The following SESN3 variants were observed in gnomAD, a reference collection of about 807,000 sequenced individuals.
SESN3 encodes sestrin-3.
In SESN3, 21 loss-of-function variants were observed where a neutral mutation model predicts 55.3. The observed-to-expected ratio is 0.38, with a 90% CI of 0.27 to 0.55. The LOEUF is 0.55. Ranked by LOEUF, SESN3 falls within the 20% of genes least tolerant of loss-of-function variation. The pLI is 0.76. For missense variants in SESN3, 408 were observed against 604.3 expected, an observed-to-expected ratio of 0.68 and a Z score of 3.41; for synonymous variants, 181 against 203.1, an observed-to-expected ratio of 0.89 and a Z score of 0.93.
At chr11:95,188,345 T>A (rs1257467701) in intron 4 of SESN3, among the ~76,000 whole-genome samples, 1 of 151,744 alleles carries the variant, frequency 6.6e-6, no homozygotes, top group Non-Finnish European at 1.5e-5. Flanking sequence ...ATACAAAAAT[T>A]TAGAAGAATG....
At position 95,171,443 on chromosome 11, in the gene SESN3, T is replaced by C. The variant is rs1859847745; in HGVS notation, c.*1812A>G. On this transcript the variant is annotated 3_prime_UTR_variant, in exon 10 of 10. Coordinates refer to ENST00000536441, the MANE Select transcript of SESN3 (RefSeq NM_144665.4). ...AATCCAAAAATGCAGAACTACCTTA[T>C]GTTAATAAGTATACAGTCATATTTG... is the stretch of plus-strand genomic sequence containing the variant. 1 of 152,178 alleles carries C rather than the reference T, an allele frequency of 6.6e-6. No homozygotes were observed. 9.4% of individuals were successfully genotyped at this position (152,178 alleles called of 1,614,324 possible).
chr11:95,194,162 T>A (rs1385972004), intron 1 of SESN3, among the ~76,000 whole-genome samples: 1 of 152,056 alleles, frequency 6.6e-6, no homozygotes, highest in Non-Finnish European at 1.5e-5. Context: ...TTTTAAAAAT[T>A]TGTTAACTTT....
At chr11:95,174,193 C>T (rs1859909798) in intron 9 of SESN3, among the ~76,000 whole-genome samples, 1 of 152,164 alleles carries the variant, frequency 6.6e-6, no homozygotes, top group Non-Finnish European at 1.5e-5. Context: ...ACATTCTCTG[C>T]TAAGATCATA....
chr11:95,193,583 T>C (rs1296307779), intron 1 of SESN3, 61 bp from the exon 2 acceptor site: 8 of 901,266 alleles, frequency 8.9e-6, no homozygotes, highest in Non-Finnish European at 1.5e-5. Context: ...GTTAAATTTG[T>C]ACACATTTAT....
Position 95,173,089 on chromosome 11 carries a change from A to G in SESN3, c.*166T>C, listed in dbSNP as rs976931788. 1.1e-5 allele frequency: 5 copies of G among 471,840 alleles called. No homozygotes were observed. Among genetic ancestry groups the G allele is most frequent in the African/African-American group, 3.8e-5 (2 of 52,350 alleles). 29.2% of individuals were successfully genotyped at this position (471,840 alleles called of 1,614,324 possible). ...TGTTAAGCATCAAGGAAAATAAAAC[A>G]CATCATTGCACATTACAGCCGCAAA... On this transcript the variant is annotated 3_prime_UTR_variant, in exon 10 of 10. Transcript: ENST00000536441.
chr11:95,227,783 C>T (rs1456155318), intron 1 of SESN3, among the ~76,000 whole-genome samples: 1 of 152,112 alleles, frequency 6.6e-6, no homozygotes, highest in Non-Finnish European at 1.5e-5. Flanking sequence ...ACCTACCTTC[C>T]TCAATGCAGT....
intron 3 of SESN3, 47 bp from the exon 4 acceptor site, chr11:95,190,008 GTTTC>G: frequency 7.1e-7 from 1 of 1,404,830 alleles, no homozygotes. Flanking sequence ...TCACAGTAGA[GTTTC>G]TTTCCACTAT....
chr11:95,195,442 A>C (rs1006023145), intron 1 of SESN3, among the ~76,000 whole-genome samples: 1 of 152,190 alleles, frequency 6.6e-6, no homozygotes, highest in Non-Finnish European at 1.5e-5. Context: ...TTCTTCATTT[A>C]TTTAGCAAAC....
intron 9 of SESN3, 43 bp from the exon 10 acceptor site, chr11:95,173,384 C>T (rs1240924103): frequency 7.8e-7 from 1 of 1,274,684 alleles, no homozygotes; most frequent in African/African-American, 1.5e-5. Flanking sequence ...ATTATAAACA[C>T]CTGGAAAATC....
chr11:95,193,458 TC>T lies in SESN3; in HGVS notation c.142del (p.Glu48LysfsTer32). 6.5e-7 allele frequency: 1 copy of T among 1,536,516 alleles called. No individual in the cohort carries two copies. On this transcript the variant is annotated frameshift_variant and splice_region_variant, in exon 2 of 10. Coordinates refer to ENST00000536441, the MANE Select transcript of SESN3 (RefSeq NM_144665.4). LOFTEE classifies it high-confidence loss of function. ...ATATTTTAAGACAGATAAACTTACT[TC>T]CTTCTCTGGAATAAAGGCACTTGGT... ...RGPSAFIPEK[E>X]VVQANTVDER...
intron 1 of SESN3, among the ~76,000 whole-genome samples, chr11:95,226,233 C>T (rs989024003): frequency 3.3e-5 from 5 of 152,076 alleles, no homozygotes; most frequent in East Asian, 1.9e-4. Context: ...CTTTCTTACA[C>T]GGTTTATAAA....
chr11:95,219,181 A>G (rs1860815455), intron 1 of SESN3, among the ~76,000 whole-genome samples: 1 of 152,186 alleles, frequency 6.6e-6, no homozygotes, highest in Non-Finnish European at 1.5e-5. Flanking sequence ...TACAACACAA[A>G]TAGGTATTCC....
intron 1 of SESN3, among the ~76,000 whole-genome samples, chr11:95,209,743 G>A (rs376378279): frequency 1.3e-5 from 2 of 151,234 alleles, no homozygotes; most frequent in Non-Finnish European, 3.0e-5. Flanking sequence ...TTGGCCAGGC[G>A]TGGTGGCTCA....
chr11:95,219,842 A>G (rs1247884747), intron 1 of SESN3, among the ~76,000 whole-genome samples: 3 of 152,104 alleles, frequency 2.0e-5, no homozygotes, highest in African/African-American at 7.2e-5. Context: ...GGTTACTTGA[A>G]TTTCAGGATA....
intron 1 of SESN3, among the ~76,000 whole-genome samples, chr11:95,223,770 C>T (rs1399275283): frequency 2.6e-5 from 4 of 152,112 alleles, no homozygotes; most frequent in Admixed American, 2.6e-4. Flanking sequence ...CTCAGTAGTT[C>T]GTAAATGTCT....
At chr11:95,217,535 C>T (rs563677368) in intron 1 of SESN3, among the ~76,000 whole-genome samples, 13 of 151,808 alleles carry the variant, frequency 8.6e-5, no homozygotes, top group African/African-American at 3.1e-4. Context: ...ACCTGTAATC[C>T]CAGCTACTTG....
At chr11:95,185,605 ACT>A in intron 4 of SESN3, 113 bp from the exon 5 acceptor site, 2 of 697,068 alleles carry the variant, frequency 2.9e-6, no homozygotes, top group Non-Finnish European at 2.4e-6. Context: ...AAAACTTAAA[ACT>A]CTCTTTTAAA....
At chr11:95,209,948 C>T (rs903146341) in intron 1 of SESN3, among the ~76,000 whole-genome samples, 3 of 132,212 alleles carry the variant, frequency 2.3e-5, no homozygotes, top group African/African-American at 5.6e-5. Context: ...TTCCAGGAGG[C>T]GAAGGTTGCA....
At position 95,172,911 on chromosome 11, in the gene SESN3, T is replaced by TG. The variant is rs984480612; in HGVS notation, c.*343dup. 38 of 190,088 alleles carry TG rather than the reference T, an allele frequency of 2.0e-4. No individual in the cohort carries two copies. In the South Asian group the frequency reaches 6.0e-3, roughly 30 times the overall value. The allele number at this position is 190,088 out of a possible 1,614,324, so 11.8% of individuals were successfully genotyped here. On this transcript the variant is annotated 3_prime_UTR_variant, in exon 10 of 10. Coordinates refer to ENST00000536441, the MANE Select transcript of SESN3 (RefSeq NM_144665.4). The stretch of plus-strand genomic sequence containing the variant: ...TATTCTTAAAAAAAAAAGGGCGGGG[T>TG]GGGGGGAGAAAAAATACACATACAC...
Sources: gnomAD v4.1 joint callset for allele counts (sites outside exome capture counted in the v4.1 genomes callset) on GRCh38, gnomAD v4.1.1 for gene constraint, MANE v1.5 for transcripts, NCBI Gene and HGNC (gene_info 2026-07-23, HGNC 2026-07-21) for gene names.